Variants in MON2 observed in about 807,000 individuals in gnomAD.
MON2 encodes the protein protein MON2 homolog.
MON2 carries 84 observed loss-of-function variants against 208.6 expected under a neutral mutation model. That is an observed-to-expected ratio of 0.40 (90% confidence interval 0.34 to 0.48). The LOEUF (loss-of-function observed/expected upper bound fraction) is 0.48, where lower values mean the gene tolerates loss of function less well. Among genes scored for constraint, MON2 ranks in the 20% least tolerant of loss-of-function variants. The pLI, the probability that MON2 is intolerant of heterozygous loss-of-function variation, is 0.59. For missense variants in MON2, 1,611 were observed against 2,015.4 expected, an observed-to-expected ratio of 0.80 and a Z score of 3.84; for synonymous variants, 660 against 694.0, an observed-to-expected ratio of 0.95 and a Z score of 0.77.
chr12:62,580,655 T>C (rs552580356), intron 32 of MON2, among the ~76,000 whole-genome samples: 9 of 152,312 alleles, frequency 5.9e-5, no homozygotes, highest in South Asian at 2.1e-4. Flanking sequence ...TTTCTGATCA[T>C]ATATCAGAAA....
intron 12 of MON2, among the ~76,000 whole-genome samples, chr12:62,532,986 A>G (rs1389491459): frequency 2.0e-5 from 3 of 152,180 alleles, no homozygotes; most frequent in Non-Finnish European, 4.4e-5. Context: ...ATTATCATCT[A>G]ACTCCAGGTC....
At chr12:62,589,324 A>G (rs1303224247) in intron 34 of MON2, among the ~76,000 whole-genome samples, 1 of 152,196 alleles carries the variant, frequency 6.6e-6, no homozygotes, top group Non-Finnish European at 1.5e-5. Flanking sequence ...TGGCACCTTA[A>G]GGAGCATTAC....
chr12:62,552,836 A>C, intron 23 of MON2, 45 bp from the exon 24 acceptor site: 2 of 1,517,470 alleles, frequency 1.3e-6, no homozygotes, highest in Non-Finnish European at 1.8e-6. Context: ...ATGTGTTTAA[A>C]ACAAAACCTT....
chr12:62,529,205 A>C (rs182158574), intron 11 of MON2, among the ~76,000 whole-genome samples: 139 of 152,344 alleles, frequency 9.1e-4, no homozygotes, highest in Middle Eastern at 3.4e-3. Context: ...TGATTACATA[A>C]ATTTTTAAAA....
intron 8 of MON2, among the ~76,000 whole-genome samples, chr12:62,519,909 G>A (rs1011529706): frequency 9.2e-5 from 14 of 152,230 alleles, no homozygotes; most frequent in African/African-American, 3.1e-4. Context: ...TCCGCCTCCT[G>A]GATTCATGCC....
chr12:62,533,512 C>T (rs1030723813), intron 12 of MON2, among the ~76,000 whole-genome samples: 10 of 152,078 alleles, frequency 6.6e-5, no homozygotes, highest in African/African-American at 1.7e-4. Context: ...CAGATTGTTC[C>T]CAACATGGCC....
In MON2 at chr12:62,599,126, A is replaced by G. The variant is rs947447679; in HGVS notation, c.*6377A>G. ...GGATGATCACTTTGGGAAAAAAAAA[A>G]TTATAGAGTAAAGGGGAAATGTTCT... On this transcript the variant is annotated 3_prime_UTR_variant, in exon 35 of 35. Transcript: ENST00000393630. 6.6e-6 allele frequency: 1 copy of G among 150,990 alleles called. No individual in the cohort carries two copies. The highest frequency in any genetic ancestry group is 2.4e-5 in the African/African-American group (1 of 40,950). 9.4% of individuals were successfully genotyped at this position (150,990 alleles called of 1,614,324 possible).
At chr12:62,469,200 C>T (rs1160919243) in intron 1 of MON2, among the ~76,000 whole-genome samples, 4 of 151,142 alleles carry the variant, frequency 2.6e-5, no homozygotes, top group African/African-American at 9.7e-5. Flanking sequence ...ACCTCTGGCT[C>T]CCAAAGTGCT....
intron 23 of MON2, among the ~76,000 whole-genome samples, chr12:62,551,133 A>G (rs2073725211): frequency 6.6e-6 from 1 of 151,656 alleles, no homozygotes; most frequent in Non-Finnish European, 1.5e-5. Flanking sequence ...TCCTTCAAGA[A>G]CTTATCCTGT....
intron 9 of MON2, among the ~76,000 whole-genome samples, 159 bp downstream of exon 9, chr12:62,524,798 G>A (rs1592954035): frequency 6.6e-6 from 1 of 152,114 alleles, no homozygotes; most frequent in African/African-American, 2.4e-5. Context: ...TATCTATAAG[G>A]ACGGGTAGGG....
At chr12:62,566,994 T>C (rs988844974) in intron 29 of MON2, among the ~76,000 whole-genome samples, 1 of 152,194 alleles carries the variant, frequency 6.6e-6, no homozygotes, top group African/African-American at 2.4e-5. Context: ...AGAGAGAAAT[T>C]CACAATGCAG....
At chr12:62,590,382 C>T (rs184867261) in intron 34 of MON2, among the ~76,000 whole-genome samples, 10 of 152,218 alleles carry the variant, frequency 6.6e-5, no homozygotes, top group Admixed American at 2.6e-4. Flanking sequence ...CATGAACAAC[C>T]GCCCCCCAGC....
intron 32 of MON2, among the ~76,000 whole-genome samples, chr12:62,583,224 T>C (rs984645122): frequency 6.6e-6 from 1 of 151,968 alleles, no homozygotes. Context: ...CCCAGTTACT[T>C]GGGAGGCTGA....
chr12:62,503,864 A>C (rs925072234), intron 7 of MON2, among the ~76,000 whole-genome samples: 1 of 151,982 alleles, frequency 6.6e-6, no homozygotes, highest in Non-Finnish European at 1.5e-5. Context: ...ATCTTCCCCA[A>C]CCACGTTGTG....
Position 62,571,536 on chromosome 12 carries a change from T to C in MON2, c.4468T>C (p.Trp1490Arg). Reference sequence around the variant, plus strand: ...TTCTTCTGGAAAATTTGACAGTATGTGGCCAGAACTAGCCAATACTTTTGA... The same window carrying C: ...TTCTTCTGGAAAATTTGACAGTATGCGGCCAGAACTAGCCAATACTTTTGA... Reference protein sequence around the residue: ...HASSGKFDSMWPELANTFEDF... With the variant: ...HASSGKFDSMRPELANTFEDF... Residue 1490 changes from tryptophan (W) to arginine (R), a missense_variant, in exon 30 of 35, where the codon TGG becomes CGG. Physicochemically the swap from Trp to Arg is moderately radical, Grantham distance 101. Transcript: ENST00000393630. 1 of 1,613,910 alleles carries C rather than the reference T, an allele frequency of 6.2e-7. No homozygotes were observed.
At chr12:62,501,827 T>G in intron 7 of MON2, 129 bp downstream of exon 7, 3 of 959,756 alleles carry the variant, frequency 3.1e-6, no homozygotes, top group Non-Finnish European at 4.7e-6. Flanking sequence ...GGTTCATGCC[T>G]GTAATTGCAA....
intron 23 of MON2, among the ~76,000 whole-genome samples, chr12:62,550,160 G>C (rs1229640085): frequency 1.3e-5 from 2 of 152,174 alleles, no homozygotes; most frequent in African/African-American, 2.4e-5. Flanking sequence ...AAATCAGCTT[G>C]TACTTTGAAG....
In MON2 at chr12:62,501,592, A is replaced by C. The variant is rs370658932; in HGVS notation, c.683A>C (p.Asn228Thr). The C allele has an allele frequency of 1.2e-4, 188 of 1,614,012 alleles. No homozygotes were observed. The highest frequency in any genetic ancestry group is 1.6e-4 in the Non-Finnish European group (187 of 1,179,966). ...MLFQDLCQLV[N>T]ADAPYWLVGM... is the part of the protein sequence containing the mutation. ...TCCCAGGATCTTTGTCAGTTGGTTA[A>C]TGCTGATGCTCCTTATTGGCTAGTG... is the stretch of plus-strand genomic sequence containing the variant. The change falls in exon 7 of 35, where the codon AAT becomes ACT. Residue 228 changes from asparagine to threonine, a missense_variant. Asn to Thr is a moderately conservative substitution (Grantham distance 65). Transcript: ENST00000393630.
chr12:62,474,032 T>A (rs558340500), intron 1 of MON2, among the ~76,000 whole-genome samples: 1 of 152,120 alleles, frequency 6.6e-6, no homozygotes, highest in Non-Finnish European at 1.5e-5. Context: ...TTACTGAGTG[T>A]AGATCTGCAT....
Sources: allele counts gnomAD v4.1 joint callset (sites outside exome capture counted in the v4.1 genomes callset), GRCh38; gene constraint gnomAD v4.1.1; transcripts MANE v1.5; gene names NCBI Gene and HGNC (gene_info 2026-07-23, HGNC 2026-07-21).